The following DST variants were observed in gnomAD, a reference collection of about 807,000 sequenced individuals.
DST encodes bullous pemphigoid antigen.
A neutral mutation model predicts 875.2 loss-of-function variants in DST; 253 were observed. That is an observed-to-expected ratio of 0.29 (90% CI 0.26 to 0.32). The LOEUF (loss-of-function observed/expected upper bound fraction) is 0.32. Ranked by LOEUF, DST falls within the 10% of genes least tolerant of loss-of-function variation. The probability of loss-of-function intolerance (pLI) is 1.00; values close to 1 mark genes in which losing one functional copy is unlikely to be tolerated. For synonymous variants in DST, 3,124 were observed against 3,197.1 expected, an observed-to-expected ratio of 0.98 and a Z score of 0.77; for missense variants, 8,287 against 9,111.6, an observed-to-expected ratio of 0.91 and a Z score of 3.68.
intron 39 of DST, among the ~76,000 whole-genome samples, chr6:56,609,815 AT>A (rs1165833275): frequency 3.3e-5 from 5 of 152,220 alleles, no homozygotes; most frequent in Admixed American, 2.6e-4. Context: ...AAATTGTTAC[AT>A]ACCCCCAAAA....
At chr6:56,565,839 G>T (rs556412807) in intron 55 of DST, among the ~76,000 whole-genome samples, 23 of 152,310 alleles carry the variant, frequency 1.5e-4, no homozygotes, top group Admixed American at 7.8e-4. Context: ...GGGAGATGGG[G>T]GTTTTATCTA....
intron 3 of DST, among the ~76,000 whole-genome samples, chr6:56,865,984 GT>G (rs919201191): frequency 6.7e-6 from 1 of 150,308 alleles, no homozygotes; most frequent in South Asian, 2.1e-4. Context: ...TTTTGTTTTT[GT>G]TTTTTTGTTT....
rs1378556873 is a variant in DST at position 56,535,134 on chromosome 6, T to C, written c.16929A>G (p.Ile5643Met). Residue 5643 changes from isoleucine to methionine, a missense_variant, in exon 63 of 104, where the codon ATA becomes ATG. Ile to Met is a conservative substitution (Grantham distance 10). This residue lies in a region of DST where 777 missense variants were observed against 764.8 expected (regional missense o/e 1.02). Transcript: ENST00000680361. Reference sequence around the variant, plus strand: ...ATGACTAACTTACCTTTTGTTCTTGTATCTGGGCCTTTACCACTTTGAACT... The same window carrying C: ...ATGACTAACTTACCTTTTGTTCTTGCATCTGGGCCTTTACCACTTTGAACT... ...SAEFKVVKAQIQEQKLLQRLL... is the reference protein window; with the variant it reads ...SAEFKVVKAQMQEQKLLQRLL... The C allele has an allele frequency of 2.5e-6, 4 of 1,613,588 alleles. No homozygotes were observed. The Admixed American group carries it at 6.7e-5, about 27-fold the overall frequency.
rs34456344 is a variant in DST at position 56,695,126 on chromosome 6, C to CAAAAAAAAAAAAAAA, written c.1047+4512_1047+4526dup. On this transcript the variant is annotated intron_variant, in intron 9 of 103. Coordinates refer to ENST00000680361, the MANE Select transcript of DST (RefSeq NM_001374736.1). ...TGGGCGACAGAGCGAGACTCCCTCTCAAAAAAAAAAAAAAAAAAAAAGAGT... is the reference window on the plus strand; with the variant it reads ...TGGGCGACAGAGCGAGACTCCCTCTCAAAAAAAAAAAAAAAAAAAAAAAAAAAAAAAAAAAAGAGT... Among the ~76,000 whole-genome samples, 124 of 70,042 alleles carry CAAAAAAAAAAAAAAA rather than the reference C, an allele frequency of 1.8e-3. 3 individuals are homozygous for CAAAAAAAAAAAAAAA. Among genetic ancestry groups the CAAAAAAAAAAAAAAA allele is most frequent in the African/African-American group, 6.7e-3 (121 of 18,068 alleles). 46.0% of individuals were successfully genotyped at this position (70,042 alleles called of 152,430 possible). A position where few individuals can be genotyped will look rare whatever the true frequency, so the allele number is the denominator to read the frequency against.
At chr6:56,811,556 T>C (rs1283775653) in intron 4 of DST, among the ~76,000 whole-genome samples, 3 of 152,216 alleles carry the variant, frequency 2.0e-5, no homozygotes, top group African/African-American at 7.2e-5. Flanking sequence ...GTAAATTGGA[T>C]ACTATCTTTC....
intron 4 of DST, among the ~76,000 whole-genome samples, chr6:56,836,850 CAA>C (rs1362120373): frequency 2.7e-5 from 2 of 74,420 alleles, no homozygotes; most frequent in Admixed American, 1.5e-4. Flanking sequence ...GACTCCATCT[CAA>C]AAAAAAAAAA....
chr6:56,915,692 A>G lies in DST; in HGVS notation c.217-15071T>C, dbSNP rs1010295398. On this transcript the variant is annotated intron_variant, in intron 2 of 103. Coordinates refer to ENST00000680361, the MANE Select transcript of DST (RefSeq NM_001374736.1). ...GCATCCTTAAGTGACTTTTAATACC[A>G]CTACAAAATCAGTCTTTGGAGACAA... 1.1e-4 allele frequency among the ~76,000 whole-genome samples: 17 copies of G among 152,240 alleles called. 1 individual carries two copies. The highest frequency in any genetic ancestry group is 6.5e-4 in the Admixed American group (10 of 15,282).
chr6:56,500,926 T>G (rs1038089990), intron 80 of DST, among the ~76,000 whole-genome samples, 154 bp downstream of exon 80: 2 of 152,170 alleles, frequency 1.3e-5, no homozygotes, highest in Non-Finnish European at 2.9e-5. Context: ...ACTATAATGT[T>G]TTAAGTAGTT....
intron 91 of DST, 128 bp downstream of exon 91, chr6:56,477,217 A>G: frequency 9.5e-7 from 1 of 1,049,580 alleles, no homozygotes; most frequent in Non-Finnish European, 1.3e-6. Flanking sequence ...AGCGTATTTA[A>G]AAGAACGTTT....
intron 2 of DST, among the ~76,000 whole-genome samples, chr6:56,952,892 A>G (rs1453425562): frequency 2.0e-5 from 3 of 152,250 alleles, no homozygotes; most frequent in African/African-American, 7.2e-5. Context: ...GCAACATTTT[A>G]ATGATATTGC....
At chr6:56,730,219 C>T (rs2099491895) in intron 5 of DST, among the ~76,000 whole-genome samples, 2 of 152,076 alleles carry the variant, frequency 1.3e-5, no homozygotes, top group South Asian at 2.1e-4. Flanking sequence ...CCCTAAAAAT[C>T]ATTTATCCCC....
intron 4 of DST, among the ~76,000 whole-genome samples, chr6:56,811,758 C>G: frequency 6.6e-6 from 1 of 152,118 alleles, no homozygotes; most frequent in East Asian, 1.9e-4. Context: ...GCACTCACTT[C>G]TTTATTAATA....
chr6:56,536,632 T>A, intron 62 of DST, 147 bp downstream of exon 62: 1 of 743,694 alleles, frequency 1.3e-6, no homozygotes, highest in Non-Finnish European at 2.0e-6. Context: ...CCAGTAGGCA[T>A]CTGAGTTTGA....
chr6:56,865,323 CAG>C (rs1035308995), intron 3 of DST, among the ~76,000 whole-genome samples: 13 of 143,744 alleles, frequency 9.0e-5, no homozygotes, highest in African/African-American at 2.6e-4. Flanking sequence ...GTAAGAGAGA[CAG>C]AGAGAGAGAG....
At chr6:56,643,571 T>C (rs1461001105) in intron 15 of DST, among the ~76,000 whole-genome samples, 2 of 152,230 alleles carry the variant, frequency 1.3e-5, no homozygotes, top group Non-Finnish European at 2.9e-5. Flanking sequence ...CCATTTGTTT[T>C]TCATACACTT....
At position 56,634,152 on chromosome 6, in the gene DST, G is replaced by T. The variant is rs146272796; in HGVS notation, c.3601C>A (p.Arg1201=). The T allele has an allele frequency of 6.2e-7, 1 of 1,613,154 alleles. No individual in the cohort carries two copies. The highest frequency in any genetic ancestry group is 8.5e-7 in the Non-Finnish European group (1 of 1,179,984). ...CTTACTGAAGCCACATTGCTAGCTC[G>T]AATTCTATCAATTTCATTGATGAGA... ...HYLINEIDRI[R]ASNVASIKTM... is the part of the protein sequence containing the mutation. Residue 1201 remains arginine (R), a synonymous_variant, in exon 27 of 104, where the codon CGA becomes AGA. Coordinates refer to ENST00000680361, the MANE Select transcript of DST (RefSeq NM_001374736.1).
chr6:56,526,573 A>C lies in DST; in HGVS notation c.17923-6T>G. On this transcript the variant is annotated splice_region_variant and splice_polypyrimidine_tract_variant and intron_variant, in intron 68 of 103. Coordinates refer to ENST00000680361, the MANE Select transcript of DST (RefSeq NM_001374736.1). ...TTAGCTTCCTTTTTCAGTTCCTGAA[A>C]ACATACAAATAAGTTAGTAACACTT... 1 of 1,612,780 alleles carries C rather than the reference A, an allele frequency of 6.2e-7. No homozygotes were observed. The highest frequency in any genetic ancestry group is 8.5e-7 in the Non-Finnish European group (1 of 1,179,280).
intron 10 of DST, among the ~76,000 whole-genome samples, chr6:56,652,450 G>T (rs2098981975): frequency 6.6e-6 from 1 of 152,204 alleles, no homozygotes; most frequent in African/African-American, 2.4e-5. Flanking sequence ...CTCTCTACAA[G>T]CTCCACAAGC....
chr6:56,459,956 C>T (rs1414609920), intron 103 of DST, among the ~76,000 whole-genome samples, 175 bp downstream of exon 103: 1 of 152,194 alleles, frequency 6.6e-6, no homozygotes, highest in Non-Finnish European at 1.5e-5. Context: ...CTTTTAGACA[C>T]TTGCACCCAT....
Sources: allele counts gnomAD v4.1 joint callset (sites outside exome capture counted in the v4.1 genomes callset), GRCh38; gene constraint gnomAD v4.1.1; regional missense constraint gnomAD v4.1.1; transcripts MANE v1.5; gene names NCBI Gene and HGNC (gene_info 2026-07-23, HGNC 2026-07-21).